The following HTT variants were observed in gnomAD, a reference collection of about 807,000 sequenced individuals.
HTT encodes huntington disease protein.
HTT carries 104 observed loss-of-function variants against 362.3 expected under a neutral mutation model. The ratio of observed to expected loss-of-function variants is 0.29; its 90% CI spans 0.24 to 0.34. The LOEUF is 0.34. HTT is among the 10% of genes least tolerant of loss of function. HTT has a pLI of 1.00. For synonymous variants in HTT, 1,577 were observed against 1,548.7 expected, an observed-to-expected ratio of 1.02 and a Z score of -0.43; for missense variants, 3,301 against 3,928.6, an observed-to-expected ratio of 0.84 and a Z score of 4.27.
intron 29 of HTT, among the ~76,000 whole-genome samples, chr4:3,164,919 A>G (rs1717626119): frequency 6.6e-6 from 1 of 152,202 alleles, no homozygotes; most frequent in Admixed American, 6.5e-5. Context: ...TAGCCCATTT[A>G]CATTTAAGGT....
chr4:3,203,259 G>C (rs1317410462), intron 41 of HTT, among the ~76,000 whole-genome samples: 1 of 152,188 alleles, frequency 6.6e-6, no homozygotes, highest in East Asian at 1.9e-4. Context: ...AAATCCTGAG[G>C]GATTACAGGA....
Position 3,240,819 on chromosome 4 carries a change from G to C in HTT, c.*760G>C, listed in dbSNP as rs906008557. The C allele has an allele frequency of 4.6e-5, 7 of 152,652 alleles. No individual in the cohort carries two copies. Among genetic ancestry groups the C allele is most frequent in the African/African-American group, 1.4e-4 (6 of 41,448 alleles). 9.5% of individuals were successfully genotyped at this position (152,652 alleles called of 1,614,324 possible). A position where few individuals can be genotyped will look rare whatever the true frequency, so the allele number is the denominator to read the frequency against. The stretch of plus-strand genomic sequence containing the variant: ...TGACATTTCCGTTGTACATGTTCCT[G>C]TTTATGCATTCACAAGGTGACTGGG... On this transcript the variant is annotated 3_prime_UTR_variant, in exon 67 of 67. Transcript: ENST00000355072.
intron 45 of HTT, among the ~76,000 whole-genome samples, chr4:3,208,428 C>G (rs1354202465): frequency 6.6e-6 from 1 of 152,206 alleles, no homozygotes; most frequent in Admixed American, 6.5e-5. Context: ...CTTAGATGAT[C>G]TGTTTTACAT....
rs560783876 is a variant in HTT, at chr4:3,133,453, A to T, written c.2493+542A>T. Among the ~76,000 whole-genome samples the T allele has an allele frequency of 4.0e-5, 6 of 151,272 alleles. No individual in the cohort carries two copies. The South Asian group carries it at 1.3e-3, about 32-fold the overall frequency. ...CAAGGCTGCAGTAAGGCGTGGTTAC[A>T]CCACTGCCCTCTAGCCTGGGCAACA... On this transcript the variant is annotated intron_variant, in intron 18 of 66. Coordinates refer to ENST00000355072, the MANE Select transcript of HTT (RefSeq NM_001388492.1).
intron 6 of HTT, among the ~76,000 whole-genome samples, chr4:3,110,027 T>A (rs985738324): frequency 2.6e-5 from 4 of 152,174 alleles, no homozygotes; most frequent in Non-Finnish European, 5.9e-5. Context: ...AGCACCAGCT[T>A]CTTGGGCAGG....
intron 25 of HTT, among the ~76,000 whole-genome samples, chr4:3,147,455 C>T (rs566520040): frequency 2.4e-4 from 37 of 152,102 alleles, no homozygotes; most frequent in African/African-American, 8.5e-4. Flanking sequence ...GCAAGGAAGA[C>T]GGAGTCCATT....
chr4:3,074,993 G>A lies in HTT; in HGVS notation c.168G>A (p.Pro56=), dbSNP rs1252162997. The change falls in exon 1 of 67, where the codon CCG becomes CCA. Residue 56 remains proline, a synonymous_variant. Transcript: ENST00000355072. ...PPPPQLPQPP[P]QAQPLLPQPQ... ...CTCCTCAGCTTCCTCAGCCGCCGCCGCAGGCACAGCCGCTGCTGCCTCAGC... is the reference window on the plus strand; with the variant it reads ...CTCCTCAGCTTCCTCAGCCGCCGCCACAGGCACAGCCGCTGCTGCCTCAGC... 7 of 1,469,956 alleles carry A rather than the reference G, an allele frequency of 4.8e-6. 1 individual carries two copies. In the Admixed American group the frequency reaches 1.1e-4, roughly 24 times the overall value. 91.1% of individuals were successfully genotyped at this position (1,469,956 alleles called of 1,614,324 possible).
intron 45 of HTT, among the ~76,000 whole-genome samples, chr4:3,207,632 T>G (rs1371631044): frequency 6.6e-6 from 1 of 152,374 alleles, no homozygotes; most frequent in East Asian, 1.9e-4. Context: ...AGAATGCCTG[T>G]ATTCACTGTC....
chr4:3,100,754 G>T (rs1214347774), intron 3 of HTT, among the ~76,000 whole-genome samples: 1 of 152,148 alleles, frequency 6.6e-6, no homozygotes, highest in Non-Finnish European at 1.5e-5. Context: ...CATGAGACAG[G>T]GTCTCGCTCA....
chr4:3,228,729 T>C lies in HTT; in HGVS notation c.7963T>C (p.Ser2655Pro). ...CCCTGCACCTTCGTCACCACCCACG[T>C]CTCCAGTCAACTCCAGGTTTTCCAA... is the stretch of plus-strand genomic sequence containing the variant. The part of the protein sequence containing the change: ...DAPAPSSPPT[S>P]PVNSRKHRAG... Residue 2655 changes from serine to proline, a missense_variant, in exon 58 of 67, where the codon TCT becomes CCT. By Grantham distance (74) the Ser-to-Pro change is moderately conservative (BLOSUM62 -1). Around this residue, in one of 4 missense-constraint regions of HTT, gnomAD observed 753 missense variants for 1,021.3 expected, o/e 0.74. Coordinates refer to ENST00000355072, the MANE Select transcript of HTT (RefSeq NM_001388492.1). This position sits in a 1 kb window ranked among gnomAD's most constrained non-coding sequence, Gnocchi z 4.3. The C allele has an allele frequency of 6.3e-7, 1 of 1,593,462 alleles. No individual in the cohort carries two copies. The highest frequency in any genetic ancestry group is 8.6e-7 in the Non-Finnish European group (1 of 1,169,100).
At chr4:3,096,684 C>A (rs113630994) in intron 2 of HTT, among the ~76,000 whole-genome samples, 12 of 152,274 alleles carry the variant, frequency 7.9e-5, no homozygotes, top group African/African-American at 2.9e-4. Flanking sequence ...CAATAGATTT[C>A]TAAACTTGTG....
chr4:3,086,931 AT>A lies in HTT; in HGVS notation c.264-3del. The stretch of plus-strand genomic sequence containing the variant: ...ACATATTAATTTCCTTCTTTTTTTT[AT>A]TTTTAGAAAGAAAGAACTTTCAGCT... On this transcript the variant is annotated splice_polypyrimidine_tract_variant and splice_region_variant and intron_variant, in intron 1 of 66. Coordinates refer to ENST00000355072, the MANE Select transcript of HTT (RefSeq NM_001388492.1). 1.3e-6 allele frequency: 2 copies of A among 1,538,550 alleles called. No individual in the cohort carries two copies. Among genetic ancestry groups the A allele is most frequent in the Non-Finnish European group, 1.8e-6 (2 of 1,114,894 alleles).
At chr4:3,149,261 G>A (rs545024199) in intron 26 of HTT, among the ~76,000 whole-genome samples, 3 of 146,402 alleles carry the variant, frequency 2.0e-5, no homozygotes, top group Admixed American at 6.8e-5. Context: ...TTAACTATTT[G>A]TACAATGGAT....
intron 2 of HTT, among the ~76,000 whole-genome samples, chr4:3,094,358 C>T (rs1713702609): frequency 1.3e-5 from 2 of 152,220 alleles, no homozygotes; most frequent in Admixed American, 1.3e-4. Context: ...TCTTTCTTTT[C>T]CCACATTTCC....
intron 41 of HTT, among the ~76,000 whole-genome samples, chr4:3,202,401 A>C (rs1719625241): frequency 6.6e-6 from 1 of 152,196 alleles, no homozygotes; most frequent in African/African-American, 2.4e-5. Context: ...TCATTACCCT[A>C]TAGCTGTATT....
At chr4:3,125,517 A>G (rs1715481770) in intron 10 of HTT, 32 bp from the exon 11 acceptor site, 1 of 1,485,156 alleles carries the variant, frequency 6.7e-7, no homozygotes, top group East Asian at 2.3e-5. Context: ...TTTTTAGCAA[A>G]CTAAAAGGAA....
In HTT at chr4:3,180,573, A is replaced by G; in HGVS notation, c.4671A>G (p.Lys1557=). The change falls in exon 36 of 67, where the codon AAA becomes AAG. Residue 1557 remains lysine (K), a synonymous_variant. Coordinates refer to ENST00000355072, the MANE Select transcript of HTT (RefSeq NM_001388492.1). ...TCTTTGTATTAAGAGGAACAAATAA[A>G]GCTGATGCAGGAAAAGAGCTTGAAA... is the stretch of plus-strand genomic sequence containing the variant. The part of the protein sequence containing the change: ...HDLFVLRGTN[K]ADAGKELETQ... 2 of 1,613,558 alleles carry G rather than the reference A, an allele frequency of 1.2e-6. No homozygotes were observed. Among genetic ancestry groups the G allele is most frequent in the Non-Finnish European group, 1.7e-6 (2 of 1,179,818 alleles).
intron 40 of HTT, among the ~76,000 whole-genome samples, chr4:3,198,619 C>G (rs962504369): frequency 6.6e-6 from 1 of 152,248 alleles, no homozygotes; most frequent in Admixed American, 6.5e-5. Flanking sequence ...CTGGGCCTTT[C>G]TCTGTTTCCC....
At position 3,130,371 on chromosome 4, in the gene HTT, A is replaced by C; in HGVS notation, c.1934A>C (p.Asp645Ala). Reference sequence around the variant, plus strand: ...AGGCAGCCTTCTGACAGCAGTGTTGATAAATTTGTGTTGAGAGATGAAGCT... The same window carrying C: ...AGGCAGCCTTCTGACAGCAGTGTTGCTAAATTTGTGTTGAGAGATGAAGCT... The part of the protein sequence containing the change: ...HCRQPSDSSV[D>A]KFVLRDEATE... Residue 645 changes from aspartate to alanine, a missense_variant, in exon 14 of 67, where the codon GAT (aspartate) becomes GCT (alanine). Asp to Ala is a moderately radical substitution (Grantham distance 126). Around this residue, in one of 4 missense-constraint regions of HTT, gnomAD observed 2,316 missense variants for 2,658.5 expected, o/e 0.87. Transcript: ENST00000355072. 1 of 1,610,000 alleles carries C rather than the reference A, an allele frequency of 6.2e-7. No homozygotes were observed. Among genetic ancestry groups the C allele is most frequent in the South Asian group, 1.1e-5 (1 of 90,392 alleles).
Sources: allele counts gnomAD v4.1 joint callset (sites outside exome capture counted in the v4.1 genomes callset), GRCh38; gene constraint gnomAD v4.1.1; regional missense constraint gnomAD v4.1.1; non-coding constraint Gnocchi (gnomAD v3.1); transcripts MANE v1.5; gene names NCBI Gene and HGNC (gene_info 2026-07-23, HGNC 2026-07-21).